ATP8A1: variants seen among roughly 807,000 people sequenced by gnomAD.
ATP8A1 encodes the protein phospholipid-transporting ATPase IA.
Under a neutral mutation model 177.7 loss-of-function variants are expected in ATP8A1, and 90 were observed. The observed-to-expected ratio is 0.51, with a 90% CI of 0.43 to 0.60. The LOEUF (loss-of-function observed/expected upper bound fraction) is 0.60, where lower values mean the gene tolerates loss of function less well. Among genes scored for constraint, ATP8A1 ranks in the 20% least tolerant of loss-of-function variants. The pLI is 0.00. For synonymous variants in ATP8A1, 493 were observed against 485.9 expected, an observed-to-expected ratio of 1.01 and a Z score of -0.19; for missense variants, 1,072 against 1,392.8, an observed-to-expected ratio of 0.77 and a Z score of 3.67.
chr4:42,508,412 A>G (rs1161444480), intron 22 of ATP8A1, among the ~76,000 whole-genome samples: 1 of 152,228 alleles, frequency 6.6e-6, no homozygotes, highest in Non-Finnish European at 1.5e-5. Flanking sequence ...GGCATGAGTC[A>G]CCACACCCAG....
Position 42,530,589 on chromosome 4 carries a change from C to T in ATP8A1, c.1723-5742G>A, listed in dbSNP as rs532217082. Reference sequence around the variant, plus strand: ...AAGGCACTCACTTTATGGCTAAAGACGTGTGGCAGTGGGCTCACTGGTCTT... The same window carrying T: ...AAGGCACTCACTTTATGGCTAAAGATGTGTGGCAGTGGGCTCACTGGTCTT... On this transcript the variant is annotated intron_variant, in intron 20 of 36. Transcript: ENST00000381668. 5.8e-4 allele frequency among the ~76,000 whole-genome samples: 89 copies of T among 152,208 alleles called. 2 individuals are homozygous for T. The South Asian group carries it at 0.014, about 25-fold the overall frequency.
chr4:42,430,480 CTTTT>C (rs368443741), intron 33 of ATP8A1, among the ~76,000 whole-genome samples: 30 of 145,586 alleles, frequency 2.1e-4, no homozygotes, highest in African/African-American at 7.6e-4. Context: ...TCGCTAGTGC[CTTTT>C]TTTTTTTTCT....
At chr4:42,563,244 G>T (rs1731023375) in intron 15 of ATP8A1, among the ~76,000 whole-genome samples, 1 of 152,214 alleles carries the variant, frequency 6.6e-6, no homozygotes, top group Admixed American at 6.5e-5. Context: ...GGTGACTCTT[G>T]TTATGTTTAA....
intron 25 of ATP8A1, among the ~76,000 whole-genome samples, chr4:42,481,417 C>T (rs1369104297): frequency 2.0e-5 from 3 of 152,164 alleles, no homozygotes; most frequent in African/African-American, 4.8e-5. Flanking sequence ...ACTGATATTC[C>T]AATCTCTTCA....
Position 42,636,757 on chromosome 4 carries a change from C to G in ATP8A1, c.50-9648G>C, listed in dbSNP as rs142238293. On this transcript the variant is annotated intron_variant, in intron 1 of 36. Coordinates refer to ENST00000381668, the MANE Select transcript of ATP8A1 (RefSeq NM_006095.2). ...TGCTTTCCTTTGGAGAACCCCTCCC[C>G]CAGAGTCTTAGGGGACTGCTCCATC... Among the ~76,000 whole-genome samples the G allele has an allele frequency of 5.5e-3, 832 of 152,278 alleles. 11 individuals are homozygous for G. Among genetic ancestry groups the G allele is most frequent in the African/African-American group, 0.019 (785 of 41,554 alleles).
At chr4:42,610,467 G>A (rs941788296) in intron 5 of ATP8A1, among the ~76,000 whole-genome samples, 2 of 151,874 alleles carry the variant, frequency 1.3e-5, no homozygotes, top group African/African-American at 4.8e-5. Context: ...TGTGAGTGGA[G>A]TATGCACATA....
At chr4:42,595,306 A>C (rs746930774) in intron 6 of ATP8A1, among the ~76,000 whole-genome samples, 1 of 152,214 alleles carries the variant, frequency 6.6e-6, no homozygotes, top group African/African-American at 2.4e-5. Flanking sequence ...CTTTTGTGGG[A>C]ATCATAATAA....
intron 20 of ATP8A1, 38 bp downstream of exon 20, chr4:42,543,879 A>G: frequency 6.9e-7 from 1 of 1,454,060 alleles, no homozygotes; most frequent in African/African-American, 1.4e-5. Context: ...ATAAACCATC[A>G]TAAATTATAA....
chr4:42,644,104 T>C (rs975919749), intron 1 of ATP8A1, among the ~76,000 whole-genome samples: 1 of 152,206 alleles, frequency 6.6e-6, no homozygotes, highest in Non-Finnish European at 1.5e-5. Flanking sequence ...CAATTTTAGC[T>C]GAACATATGG....
chr4:42,508,155 T>G (rs1441562654), intron 22 of ATP8A1, among the ~76,000 whole-genome samples: 6 of 152,320 alleles, frequency 3.9e-5, no homozygotes, highest in African/African-American at 1.4e-4. Flanking sequence ...TATTTTGAGA[T>G]GGAGTCTTGC....
intron 5 of ATP8A1, among the ~76,000 whole-genome samples, chr4:42,606,556 C>T (rs955978303): frequency 1.3e-5 from 2 of 152,196 alleles, no homozygotes; most frequent in Non-Finnish European, 2.9e-5. Context: ...TTAAACAGCA[C>T]ATTATAAATC....
At chr4:42,415,509 G>A (rs4481266) in intron 35 of ATP8A1, among the ~76,000 whole-genome samples, 24,962 of 152,064 alleles carry the variant, frequency 0.16, 2,180 homozygotes, top group Middle Eastern at 0.27. Context: ...TGTTGAATAC[G>A]TGAAGTTGAG....
At chr4:42,561,033 T>A (rs555171226) in intron 15 of ATP8A1, among the ~76,000 whole-genome samples, 5 of 152,164 alleles carry the variant, frequency 3.3e-5, no homozygotes, top group Non-Finnish European at 7.3e-5. Context: ...ATTTTTCTCA[T>A]ATTGCGAGCC....
At chr4:42,588,855 G>T (rs1733885283) in intron 7 of ATP8A1, among the ~76,000 whole-genome samples, 1 of 152,044 alleles carries the variant, frequency 6.6e-6, no homozygotes, top group Non-Finnish European at 1.5e-5. Flanking sequence ...TTAAATTTAA[G>T]GTTATTTAAA....
chr4:42,412,416 C>G lies in ATP8A1; in HGVS notation c.*500G>C, dbSNP rs907274577. On this transcript the variant is annotated 3_prime_UTR_variant, in exon 37 of 37. Coordinates refer to ENST00000381668, the MANE Select transcript of ATP8A1 (RefSeq NM_006095.2). ...ACATTTATCAAGACAATTTTGGACA[C>G]AAATGCTTGTTTAGAAATTTTGCTC... 6.6e-6 allele frequency: 1 copy of G among 152,242 alleles called. No individual in the cohort carries two copies. The highest frequency in any genetic ancestry group is 2.4e-5 in the African/African-American group (1 of 41,452). The allele number at this position is 152,242 out of a possible 1,614,324, so 9.4% of individuals were successfully genotyped here.
chr4:42,417,853 T>G (rs964513632), intron 35 of ATP8A1, among the ~76,000 whole-genome samples: 1 of 152,172 alleles, frequency 6.6e-6, no homozygotes, highest in African/African-American at 2.4e-5. Context: ...AAACAAACAA[T>G]GAATATAACA....
chr4:42,413,064 C>A (rs369056661), intron 36 of ATP8A1, 51 bp from the exon 37 acceptor site: 1 of 1,478,260 alleles, frequency 6.8e-7, no homozygotes, highest in East Asian at 2.3e-5. Flanking sequence ...TGGAAACCAC[C>A]GTTATTCTGA....
At chr4:42,465,664 A>G (rs1472211483) in intron 25 of ATP8A1, among the ~76,000 whole-genome samples, 2 of 152,216 alleles carry the variant, frequency 1.3e-5, no homozygotes, top group African/African-American at 4.8e-5. Flanking sequence ...AAACACCAGT[A>G]TCTCTATTAA....
intron 25 of ATP8A1, among the ~76,000 whole-genome samples, chr4:42,472,702 A>C (rs938051054): frequency 6.7e-6 from 1 of 150,132 alleles, no homozygotes; most frequent in African/African-American, 2.4e-5. Flanking sequence ...GTGAGCTGAG[A>C]TCGCGCCATC....
Sources: allele counts gnomAD v4.1 joint callset (sites outside exome capture counted in the v4.1 genomes callset), GRCh38; gene constraint gnomAD v4.1.1; transcripts MANE v1.5; gene names NCBI Gene and HGNC (gene_info 2026-07-23, HGNC 2026-07-21).